Variants in ATP9A observed in about 807,000 individuals in gnomAD.
The protein encoded by ATP9A is ATPase phospholipid transporting 9A, also known as probable phospholipid-transporting ATPase IIA.
A neutral mutation model predicts 144.1 loss-of-function variants in ATP9A; 52 were observed. The observed-to-expected ratio is 0.36, with a 90% CI of 0.29 to 0.45. ATP9A has a LOEUF of 0.45. ATP9A is among the 20% of genes least tolerant of loss of function. The probability of loss-of-function intolerance (pLI) is 1.00; values close to 1 mark genes in which losing one functional copy is unlikely to be tolerated. For synonymous variants in ATP9A, 582 were observed against 557.4 expected (o/e 1.04, Z -0.62); for missense variants, 947 against 1,392.7 (o/e 0.68, Z 5.09).
chr20:51,698,874 G>T (rs977985498), intron 4 of ATP9A, among the ~76,000 whole-genome samples: 4 of 152,214 alleles, frequency 2.6e-5, no homozygotes, highest in Admixed American at 6.5e-5. Flanking sequence ...GAAGGGGCCA[G>T]TTGGGGCCAG....
Position 51,674,287 on chromosome 20 carries a change from G to A in ATP9A, c.903C>T (p.Asn301=). The part of the protein sequence containing the change: ...SKIGLFDLEV[N]CLTKILFGAL... ...CACCAAAGAGGATCTTGGTGAGGCA[G>A]TTCACTTCCAAGTCGAACAGGCCGA... The change falls in exon 11 of 28, where the codon AAC becomes AAT. Residue 301 remains asparagine, a synonymous_variant. Coordinates refer to ENST00000338821, the MANE Select transcript of ATP9A (RefSeq NM_006045.3). 1.2e-6 allele frequency: 2 copies of A among 1,613,672 alleles called. No individual in the cohort carries two copies. Among genetic ancestry groups the A allele is most frequent in the South Asian group, 1.1e-5 (1 of 91,054 alleles).
rs1568825024 is a variant in ATP9A at position 51,696,094 on chromosome 20, G to GT, written c.545dup (p.Asn182LysfsTer50). 2.5e-6 allele frequency: 4 copies of GT among 1,612,984 alleles called. No individual in the cohort carries two copies. Among genetic ancestry groups the GT allele is most frequent in the Non-Finnish European group, 2.5e-6 (3 of 1,179,056 alleles). On this transcript the variant is annotated frameshift_variant and splice_region_variant, in exon 6 of 28. Coordinates refer to ENST00000338821, the MANE Select transcript of ATP9A (RefSeq NM_006045.3). LOFTEE classifies it high-confidence loss of function. ...TCCAAATTGATCTCAGATGTTTACC[G>GT]TTTTTTTCTGATGTCCTCAGGAAGA...
chr20:51,634,747 C>T (rs1184173634), intron 15 of ATP9A, among the ~76,000 whole-genome samples: 1 of 148,256 alleles, frequency 6.7e-6, no homozygotes, highest in Non-Finnish European at 1.5e-5. Context: ...CCCAGCTACT[C>T]GGGAGGCTGG....
At chr20:51,753,454 A>AAACAACAACAACAACAAC (rs11472926) in intron 1 of ATP9A, among the ~76,000 whole-genome samples, 13 of 149,084 alleles carry the variant, frequency 8.7e-5, no homozygotes, top group South Asian at 4.3e-4. Flanking sequence ...CCGTCTCAAA[A>AAACAACAACAACAACAAC]AACAACAACA....
intron 27 of ATP9A, among the ~76,000 whole-genome samples, chr20:51,602,852 T>C (rs1417360452): frequency 6.6e-6 from 1 of 152,236 alleles, no homozygotes; most frequent in Non-Finnish European, 1.5e-5. Context: ...GTCACAGGTA[T>C]ACTGTGTATC....
At chr20:51,648,864 G>GA (rs2122759384) in intron 14 of ATP9A, among the ~76,000 whole-genome samples, 1 of 152,206 alleles carries the variant, frequency 6.6e-6, no homozygotes, top group Admixed American at 6.5e-5. Flanking sequence ...AAAAAAGAAA[G>GA]AAATTCTGTG....
At position 51,601,176 on chromosome 20, in the gene ATP9A, G is replaced by C; in HGVS notation, c.*35C>G. The C allele has an allele frequency of 6.4e-7, 1 of 1,558,434 alleles. No homozygotes were observed. Among genetic ancestry groups the C allele is most frequent in the Non-Finnish European group, 8.7e-7 (1 of 1,152,392 alleles). On this transcript the variant is annotated 3_prime_UTR_variant, in exon 28 of 28. Coordinates refer to ENST00000338821, the MANE Select transcript of ATP9A (RefSeq NM_006045.3). ...CTTGAGCTCTGTCCATCAGGGAAGC[G>C]CCAAGACCAGGGCCCCCTCCAGCGA...
chr20:51,607,265 G>A (rs1235956829), intron 26 of ATP9A, among the ~76,000 whole-genome samples: 1 of 152,154 alleles, frequency 6.6e-6, no homozygotes, highest in Non-Finnish European at 1.5e-5. Context: ...TTTGCCTCAT[G>A]AGTGGAGCAG....
chr20:51,751,762 G>A lies in ATP9A; in HGVS notation c.68+16540C>T, dbSNP rs186132733. Reference sequence around the variant, plus strand: ...ACCACCACGCCCGGCTAATTTTTTTGTATTTTTAGTAGAGACGGGGTTTCA... The same window carrying A: ...ACCACCACGCCCGGCTAATTTTTTTATATTTTTAGTAGAGACGGGGTTTCA... On this transcript the variant is annotated intron_variant, in intron 1 of 27. Coordinates refer to ENST00000338821, the MANE Select transcript of ATP9A (RefSeq NM_006045.3). 1.4e-3 allele frequency among the ~76,000 whole-genome samples: 206 copies of A among 152,086 alleles called. 5 individuals carry two copies. In the East Asian group the frequency reaches 0.034, roughly 25 times the overall value.
At chr20:51,760,699 C>G (rs2077876186) in intron 1 of ATP9A, among the ~76,000 whole-genome samples, 1 of 137,230 alleles carries the variant, frequency 7.3e-6, no homozygotes, top group Non-Finnish European at 1.5e-5. Context: ...GCACTCCAGC[C>G]TGGGCGACAG....
chr20:51,658,894 G>GGGC (rs2077399481), intron 13 of ATP9A, among the ~76,000 whole-genome samples: 1 of 112,400 alleles, frequency 8.9e-6, no homozygotes, highest in African/African-American at 3.6e-5. Context: ...CTGGCGGGGG[G>GGGC]GGGGGGGGGA....
intron 6 of ATP9A, among the ~76,000 whole-genome samples, chr20:51,694,978 G>A (rs1203949379): frequency 6.6e-6 from 1 of 152,018 alleles, no homozygotes; most frequent in Non-Finnish European, 1.5e-5. Flanking sequence ...TTTTTCAAAG[G>A]CTGTTTTAAT....
At chr20:51,697,890 T>C (rs971842990) in intron 4 of ATP9A, among the ~76,000 whole-genome samples, 6 of 152,230 alleles carry the variant, frequency 3.9e-5, no homozygotes, top group Non-Finnish European at 8.8e-5. Context: ...TAATTCCAAA[T>C]GACTGATTTA....
chr20:51,671,282 G>C (rs183261061), intron 11 of ATP9A, 25 bp from the exon 12 acceptor site: 2 of 1,608,166 alleles, frequency 1.2e-6, no homozygotes, highest in African/African-American at 1.3e-5. Context: ...AGAGCAAACA[G>C]GCTAACAGGA....
intron 9 of ATP9A, among the ~76,000 whole-genome samples, chr20:51,678,210 C>T (rs2077485303): frequency 1.3e-5 from 2 of 152,046 alleles, no homozygotes; most frequent in Admixed American, 6.6e-5. Flanking sequence ...ACTTGGAACA[C>T]GAAGGAGCCA....
At chr20:51,686,689 C>G (rs544444407) in intron 9 of ATP9A, among the ~76,000 whole-genome samples, 1 of 152,302 alleles carries the variant, frequency 6.6e-6, no homozygotes, top group South Asian at 2.1e-4. Context: ...AACCCCAGCA[C>G]TTTGGGAGGC....
intron 21 of ATP9A, among the ~76,000 whole-genome samples, chr20:51,618,028 T>A (rs1258147829): frequency 1.3e-5 from 2 of 152,132 alleles, no homozygotes; most frequent in African/African-American, 4.8e-5. Context: ...GAGACCAGCC[T>A]GGCCAACATG....
chr20:51,646,024 G>C (rs2077341010), intron 14 of ATP9A, among the ~76,000 whole-genome samples: 1 of 152,144 alleles, frequency 6.6e-6, no homozygotes. Flanking sequence ...GACGCGAGCT[G>C]GATAAAATGC....
chr20:51,763,344 G>C (rs918040591), intron 1 of ATP9A, among the ~76,000 whole-genome samples: 2 of 143,962 alleles, frequency 1.4e-5, no homozygotes, highest in Non-Finnish European at 3.0e-5. Context: ...ATGGAGTCTC[G>C]CTGTGTCGCC....
Sources: allele counts gnomAD v4.1 joint callset (sites outside exome capture counted in the v4.1 genomes callset), GRCh38; gene constraint gnomAD v4.1.1; transcripts MANE v1.5; gene names NCBI Gene and HGNC (gene_info 2026-07-23, HGNC 2026-07-21).